The following MEP1A variants were observed in gnomAD, a reference collection of about 807,000 sequenced individuals.
MEP1A encodes the protein N-benzoyl-L-tyrosyl-P-amino-benzoic acid hydrolase subunit alpha.
In MEP1A, 68 loss-of-function variants were observed where a neutral mutation model predicts 84.5. The observed-to-expected ratio is 0.80, with a 90% CI of 0.66 to 0.98. MEP1A has a LOEUF of 0.98. Ranked by LOEUF, MEP1A falls within the 50% of genes least tolerant of loss-of-function variation. The probability of loss-of-function intolerance (pLI) is 0.00; values close to 1 mark genes in which losing one functional copy is unlikely to be tolerated. For missense variants in MEP1A, 887 were observed against 919.9 expected, an observed-to-expected ratio of 0.96 and a Z score of 0.46; for synonymous variants, 337 against 336.8, an observed-to-expected ratio of 1.00 and a Z score of -0.01.
chr6:46,797,385 T>C (rs1186062465), intron 3 of MEP1A, among the ~76,000 whole-genome samples: 1 of 152,134 alleles, frequency 6.6e-6, no homozygotes, highest in Non-Finnish European at 1.5e-5. Flanking sequence ...ACAAAGATCT[T>C]CCCTTTTAAG....
intron 6 of MEP1A, among the ~76,000 whole-genome samples, chr6:46,809,741 T>A (rs571952885): frequency 1.3e-5 from 2 of 152,178 alleles, no homozygotes; most frequent in Non-Finnish European, 2.9e-5. Context: ...TCCAACTCCA[T>A]CCAGGTTGCT....
intron 3 of MEP1A, among the ~76,000 whole-genome samples, chr6:46,797,362 G>A (rs909020805): frequency 3.3e-5 from 5 of 152,218 alleles, no homozygotes; most frequent in Non-Finnish European, 5.9e-5. Flanking sequence ...TTTAATGCTT[G>A]AGAAATTTTC....
chr6:46,829,949 G>A (rs1258551968), intron 10 of MEP1A, among the ~76,000 whole-genome samples: 1 of 151,996 alleles, frequency 6.6e-6, no homozygotes, highest in African/African-American at 2.4e-5. Flanking sequence ...TTGATGCTGC[G>A]GGAGAGAGAG....
At position 46,825,275 on chromosome 6, in the gene MEP1A, A is replaced by G. The variant is rs1767911394; in HGVS notation, c.560A>G (p.Tyr187Cys). ...NIWWDQILSG[Y>C]QHNFDTYDDS... ...CTGTGGATTCTCTCCCTAACAGGTT[A>G]CCAGCACAACTTTGACACCTATGAT... The change falls in exon 8 of 14, where the codon TAC becomes TGC. Residue 187 changes from tyrosine to cysteine, a missense_variant. Transcript: ENST00000230588. 2 of 1,608,704 alleles carry G rather than the reference A, an allele frequency of 1.2e-6. No homozygotes were observed. Among genetic ancestry groups the G allele is most frequent in the Admixed American group, 1.7e-5 (1 of 59,440 alleles).
At chr6:46,819,434 G>T in intron 6 of MEP1A, 95 bp from the exon 7 acceptor site, 1 of 983,536 alleles carries the variant, frequency 1.0e-6, no homozygotes. Context: ...CTAAAATCAA[G>T]CCTAATTTCC....
Position 46,819,700 on chromosome 6 carries a change from T to G in MEP1A, c.552T>G (p.Leu184=), listed in dbSNP as rs753160765. The G allele has an allele frequency of 1.2e-6, 2 of 1,613,380 alleles. No homozygotes were observed. The highest frequency in any genetic ancestry group is 2.2e-5 in the South Asian group (2 of 90,894). ...DYVNIWWDQI[L]SGYQHNFDTY... ...TGAACATCTGGTGGGACCAAATTCT[T>G]TCAGGTGTGATTGGGCGGAGATTGC... Residue 184 remains leucine, a synonymous_variant, in exon 7 of 14, where the codon CTT becomes CTG. Coordinates refer to ENST00000230588, the MANE Select transcript of MEP1A (RefSeq NM_005588.3).
At chr6:46,807,791 G>GAAAT (rs1562107021) in intron 5 of MEP1A, among the ~76,000 whole-genome samples, 1 of 134,448 alleles carries the variant, frequency 7.4e-6, no homozygotes, top group African/African-American at 2.7e-5. Context: ...AAGAAAGAAA[G>GAAAT]AAAGAAAGAA....
At chr6:46,810,543 C>T (rs773669603) in intron 6 of MEP1A, among the ~76,000 whole-genome samples, 59 of 151,964 alleles carry the variant, frequency 3.9e-4, no homozygotes, top group Admixed American at 9.8e-4. Flanking sequence ...TCTTTGCCTA[C>T]GCCAATGTCT....
intron 7 of MEP1A, among the ~76,000 whole-genome samples, chr6:46,822,695 C>T (rs1176215746): frequency 6.6e-6 from 1 of 152,056 alleles, no homozygotes; most frequent in Non-Finnish European, 1.5e-5. Flanking sequence ...TGGCGTCCAC[C>T]ACCATGCCCA....
In MEP1A at chr6:46,828,261, C is replaced by T. The variant is rs1345526880; in HGVS notation, c.929-1095C>T. Among the ~76,000 whole-genome samples the T allele has an allele frequency of 3.3e-5, 5 of 149,508 alleles. No individual in the cohort carries two copies. In the East Asian group the frequency reaches 9.7e-4, roughly 29 times the overall value. ...GTTTTTTTTTTTTTTCTAACCCAGG[C>T]ATTCAATATATAATTATAATTCAGA... is the stretch of plus-strand genomic sequence containing the variant. On this transcript the variant is annotated intron_variant, in intron 9 of 13. Transcript: ENST00000230588.
At chr6:46,833,001 C>A in intron 10 of MEP1A, 73 bp from the exon 11 acceptor site, 1 of 821,410 alleles carries the variant, frequency 1.2e-6, no homozygotes, top group Non-Finnish European at 2.0e-6. Flanking sequence ...GCACATGGCA[C>A]TGTGCCAAAC....
chr6:46,815,025 C>T (rs950188242), intron 6 of MEP1A, among the ~76,000 whole-genome samples: 2 of 152,168 alleles, frequency 1.3e-5, no homozygotes, highest in Admixed American at 6.6e-5. Flanking sequence ...TGGCAATCCT[C>T]CAGCCAGGAG....
the MEP1A span, among the ~76,000 whole-genome samples, chr6:46,845,144 T>C: frequency 6.6e-6 from 1 of 152,202 alleles, no homozygotes; most frequent in African/African-American, 2.4e-5. Flanking sequence ...TAGTTCTTTA[T>C]AGCAGTGTGA....
intron 7 of MEP1A, among the ~76,000 whole-genome samples, chr6:46,823,252 A>G (rs1159064406): frequency 1.3e-5 from 2 of 152,096 alleles, no homozygotes; most frequent in African/African-American, 4.8e-5. Flanking sequence ...GCCACACCAC[A>G]CTTCTGCAGT....
chr6:46,799,273 A>G, intron 5 of MEP1A, 92 bp downstream of exon 5: 1 of 828,110 alleles, frequency 1.2e-6, no homozygotes, highest in Non-Finnish European at 2.1e-6. Context: ...AGTAACCACC[A>G]CGATCTAAGA....
chr6:46,796,726 C>G (rs1024248474), intron 3 of MEP1A, among the ~76,000 whole-genome samples: 2 of 152,114 alleles, frequency 1.3e-5, no homozygotes, highest in Admixed American at 1.3e-4. Context: ...TTCTCCCTGC[C>G]CCCCATGACT....
chr6:46,835,117 CA>C (rs1224610104), intron 12 of MEP1A, 131 bp from the exon 13 acceptor site: 1 of 782,452 alleles, frequency 1.3e-6, no homozygotes, highest in African/African-American at 1.8e-5. Context: ...CAGCTGGATT[CA>C]AAGCCACTTT....
chr6:46,819,174 G>A (rs1329440720), intron 6 of MEP1A, among the ~76,000 whole-genome samples: 1 of 152,114 alleles, frequency 6.6e-6, no homozygotes, highest in African/African-American at 2.4e-5. Flanking sequence ...TTAGATAAAG[G>A]CAACAGTGTT....
At position 46,825,502 on chromosome 6, in the gene MEP1A, C is replaced by G. The variant is rs747199369; in HGVS notation, c.778+9C>G. On this transcript the variant is annotated intron_variant, in intron 8 of 13. Coordinates refer to ENST00000230588, the MANE Select transcript of MEP1A (RefSeq NM_005588.3). ...CCGAATGTACAATTGCAGTGAGTAT[C>G]TCAGTTTCTGAGAACTTGGTAAACT... The G allele has an allele frequency of 1.0e-5, 16 of 1,589,492 alleles. No individual in the cohort carries two copies. The highest frequency in any genetic ancestry group is 2.2e-5 in the East Asian group (1 of 44,542).
Sources: allele counts gnomAD v4.1 joint callset (sites outside exome capture counted in the v4.1 genomes callset), GRCh38; gene constraint gnomAD v4.1.1; transcripts MANE v1.5; gene names NCBI Gene and HGNC (gene_info 2026-07-23, HGNC 2026-07-21).